Variants in NACC2 observed in about 807,000 individuals in gnomAD.
The protein encoded by NACC2 is nucleus accumbens-associated protein 2.
Under a neutral mutation model 25.1 loss-of-function variants are expected in NACC2, and 8 were observed. The ratio of observed to expected loss-of-function variants is 0.32; its 90% CI spans 0.19 to 0.57. The LOEUF (loss-of-function observed/expected upper bound fraction) is 0.57. Ranked by LOEUF, NACC2 falls within the 20% of genes least tolerant of loss-of-function variation. The probability of loss-of-function intolerance (pLI) is 0.89; values close to 1 mark genes in which losing one functional copy is unlikely to be tolerated. For synonymous variants in NACC2, 435 were observed against 294.7 expected (o/e 1.48, Z -4.88); for missense variants, 644 against 650.2 (o/e 0.99, Z 0.10).
chr9:136,079,395 G>A (rs11103315), intron 1 of NACC2, among the ~76,000 whole-genome samples: 81,893 of 152,178 alleles, frequency 0.54, 23,667 homozygotes, highest in South Asian at 0.67. Context: ...GATGCCAACT[G>A]CAGAAGCCAA....
At position 136,018,157 on chromosome 9, in the gene NACC2, C is replaced by G. The variant is rs554873905; in HGVS notation, c.887-1728G>C. ...TGCGGCCGCACCGCACCAGGACGCTCAGAGGCAGGTGCACCTGGCCATGCT... is the reference window on the plus strand; with the variant it reads ...TGCGGCCGCACCGCACCAGGACGCTGAGAGGCAGGTGCACCTGGCCATGCT... On this transcript the variant is annotated intron_variant, in intron 2 of 5. Coordinates refer to ENST00000277554, the MANE Select transcript of NACC2 (RefSeq NM_144653.5). The surrounding 1 kb of genome is among the most constrained non-coding windows in gnomAD (Gnocchi z 4.4). 1.4e-4 allele frequency among the ~76,000 whole-genome samples: 22 copies of G among 152,294 alleles called. No individual in the cohort carries two copies. Among genetic ancestry groups the G allele is most frequent in the Middle Eastern group, 3.4e-3 (1 of 294 alleles).
At chr9:136,039,221 C>G (rs2131153141) in intron 2 of NACC2, among the ~76,000 whole-genome samples, 1 of 152,156 alleles carries the variant, frequency 6.6e-6, no homozygotes, top group East Asian at 1.9e-4. Flanking sequence ...ACATGAAAGA[C>G]CATTACCATG....
At chr9:136,047,732 C>T (rs545850862) in intron 2 of NACC2, among the ~76,000 whole-genome samples, 142 of 152,312 alleles carry the variant, frequency 9.3e-4, no homozygotes, top group Non-Finnish European at 1.5e-3. Flanking sequence ...TCCACAGAGC[C>T]GCTTCCTGGC....
intron 2 of NACC2, among the ~76,000 whole-genome samples, chr9:136,021,311 A>G (rs1840288364): frequency 6.6e-6 from 1 of 151,718 alleles, no homozygotes; most frequent in African/African-American, 2.4e-5. Context: ...AGAAATGCAA[A>G]TCAAGCCATG....
chr9:136,052,501 C>CAGGGGGTGAAGAG (rs1840861357), intron 1 of NACC2, among the ~76,000 whole-genome samples: 2 of 151,716 alleles, frequency 1.3e-5, no homozygotes, highest in African/African-American at 4.8e-5. Flanking sequence ...GGAGGTACAG[C>CAGGGGGTGAAGAG]AGGGGGTGAA....
In NACC2 at chr9:136,055,641, G is replaced by A. The variant is rs1472333706; in HGVS notation, c.-59-5061C>T. ...CACCACCAGCAAGGGGAAGGGAGGC[G>A]AGAAAAATTAAATTAAATTAAATTA... is the stretch of plus-strand genomic sequence containing the variant. On this transcript the variant is annotated intron_variant, in intron 1 of 5. Transcript: ENST00000277554. This position sits in a 1 kb window ranked among gnomAD's most constrained non-coding sequence, Gnocchi z 4.9. 1.3e-5 allele frequency among the ~76,000 whole-genome samples: 2 copies of A among 152,198 alleles called. No homozygotes were observed. Among genetic ancestry groups the A allele is most frequent in the East Asian group, 1.9e-4 (1 of 5,194 alleles).
intron 1 of NACC2, among the ~76,000 whole-genome samples, chr9:136,089,986 A>C (rs1830418889): frequency 2.1e-5 from 2 of 96,198 alleles, no homozygotes; most frequent in African/African-American, 6.8e-5. Context: ...ATTTATATCC[A>C]AAAAAAAAAA....
At chr9:136,094,595 G>A (rs969587902) in intron 1 of NACC2, among the ~76,000 whole-genome samples, 5 of 152,106 alleles carry the variant, frequency 3.3e-5, no homozygotes, top group East Asian at 3.9e-4. Context: ...CCCTGCGGCC[G>A]GACCCCAGTT....
intron 2 of NACC2, among the ~76,000 whole-genome samples, chr9:136,045,544 G>A (rs1221247754): frequency 1.3e-5 from 2 of 152,226 alleles, no homozygotes; most frequent in Non-Finnish European, 2.9e-5. Context: ...GGGATGGCCG[G>A]GCGAGCCCCA....
chr9:136,081,279 A>G (rs1348181900), intron 1 of NACC2, among the ~76,000 whole-genome samples: 1 of 152,088 alleles, frequency 6.6e-6, no homozygotes, highest in Non-Finnish European at 1.5e-5. Context: ...AGGGGTCAGC[A>G]TGCCTGGGCT....
At chr9:136,046,890 G>T (rs1432105602) in intron 2 of NACC2, among the ~76,000 whole-genome samples, 1 of 152,156 alleles carries the variant, frequency 6.6e-6, no homozygotes, top group Non-Finnish European at 1.5e-5. Context: ...GTAATATTTT[G>T]ACTTATTTCA....
At chr9:136,054,398 C>T (rs1286165322) in intron 1 of NACC2, among the ~76,000 whole-genome samples, 3 of 152,332 alleles carry the variant, frequency 2.0e-5, no homozygotes, top group East Asian at 1.9e-4. Flanking sequence ...TGCAGCCCCA[C>T]GCCCCAGCCT....
At chr9:136,077,962 C>A (rs541626308) in intron 1 of NACC2, among the ~76,000 whole-genome samples, 25 of 152,250 alleles carry the variant, frequency 1.6e-4, no homozygotes, top group African/African-American at 5.5e-4. Flanking sequence ...TTAGTAGAGA[C>A]GGGGTTTCAC....
At chr9:136,012,852 G>A (rs1021613499) in intron 5 of NACC2, among the ~76,000 whole-genome samples, 2 of 152,206 alleles carry the variant, frequency 1.3e-5, no homozygotes, top group Admixed American at 6.5e-5. Flanking sequence ...GCCCAAGAGC[G>A]GGAGGCAGAA....
At chr9:136,051,895 A>AGGAGGAGGAGGAGGAGATGGT (rs1215659954) in intron 1 of NACC2, among the ~76,000 whole-genome samples, 1 of 119,026 alleles carries the variant, frequency 8.4e-6, no homozygotes, top group Non-Finnish European at 1.7e-5. Context: ...GAGGAGGAGG[A>AGGAGGAGGAGGAGGAGATGGT]GGAGGAGGAG....
rs1257847372 is a variant in NACC2 at position 136,010,343 on chromosome 9, C to G, written c.*1173G>C. 1 of 153,416 alleles carries G rather than the reference C, an allele frequency of 6.5e-6. No individual in the cohort carries two copies. The highest frequency in any genetic ancestry group is 6.5e-5 in the Admixed American group (1 of 15,300). 9.5% of individuals were successfully genotyped at this position (153,416 alleles called of 1,614,324 possible). ...ACGGGGAGCCCAGCACCGGGAGGAC[C>G]GACTCTCGCCCTGGCCCAGCCCTGG... On this transcript the variant is annotated 3_prime_UTR_variant, in exon 6 of 6. Transcript: ENST00000277554. This position sits in a 1 kb window ranked among gnomAD's most constrained non-coding sequence, Gnocchi z 4.9.
chr9:136,087,011 C>T (rs1179894669), intron 1 of NACC2, among the ~76,000 whole-genome samples: 1 of 152,234 alleles, frequency 6.6e-6, no homozygotes, highest in Non-Finnish European at 1.5e-5. Flanking sequence ...TGAGATATCC[C>T]GGATTTAGGG....
intron 1 of NACC2, among the ~76,000 whole-genome samples, chr9:136,093,247 C>T (rs1038447583): frequency 6.6e-6 from 1 of 152,224 alleles, no homozygotes; most frequent in African/African-American, 2.4e-5. Context: ...CTGGAAGAAC[C>T]GCTCAGCACC....
Position 136,055,793 on chromosome 9 carries a change from C to T in NACC2, c.-59-5213G>A, listed in dbSNP as rs1441670004. Among the ~76,000 whole-genome samples, 4 of 152,148 alleles carry T rather than the reference C, an allele frequency of 2.6e-5. No individual in the cohort carries two copies. Among genetic ancestry groups the T allele is most frequent in the African/African-American group, 9.7e-5 (4 of 41,410 alleles). ...GGAAACGTTCTGCGGAGGGGAGAGT[C>T]CCTCTACCCCGAGCCCCGGCCCCTG... On this transcript the variant is annotated intron_variant, in intron 1 of 5. Coordinates refer to ENST00000277554, the MANE Select transcript of NACC2 (RefSeq NM_144653.5). The surrounding 1 kb of genome is among the most constrained non-coding windows in gnomAD (Gnocchi z 4.9).
Sources: gnomAD v4.1 joint callset for allele counts (sites outside exome capture counted in the v4.1 genomes callset) on GRCh38, gnomAD v4.1.1 for gene constraint, Gnocchi (gnomAD v3.1) non-coding constraint, MANE v1.5 for transcripts, NCBI Gene and HGNC (gene_info 2026-07-23, HGNC 2026-07-21) for gene names.